FMN2: variants seen among roughly 807,000 people sequenced by gnomAD.
The protein encoded by FMN2 is formin 2.
In FMN2, 51 loss-of-function variants were observed where a neutral mutation model predicts 142.3. That is an observed-to-expected ratio of 0.36 (90% confidence interval 0.29 to 0.45). FMN2 has a LOEUF of 0.45. FMN2 is among the 20% of genes least tolerant of loss of function. The pLI is 1.00. For missense variants in FMN2, 1,936 were observed against 2,122.8 expected, an observed-to-expected ratio of 0.91 and a Z score of 1.73; for synonymous variants, 882 against 869.8, an observed-to-expected ratio of 1.01 and a Z score of -0.25.
intron 6 of FMN2, among the ~76,000 whole-genome samples, chr1:240,233,865 C>A (rs937871218): frequency 3.9e-5 from 6 of 152,066 alleles, no homozygotes; most frequent in African/African-American, 1.4e-4. Context: ...GCAAAATAGC[C>A]CATTTTAGTG....
At chr1:240,373,290 A>G (rs1379461712) in intron 14 of FMN2, among the ~76,000 whole-genome samples, 2 of 152,182 alleles carry the variant, frequency 1.3e-5, no homozygotes, top group Admixed American at 1.3e-4. Context: ...CTGACAGGTC[A>G]GGGTGGTGGT....
chr1:240,340,213 C>A (rs1359717772), intron 13 of FMN2, among the ~76,000 whole-genome samples: 1 of 151,990 alleles, frequency 6.6e-6, no homozygotes, highest in Non-Finnish European at 1.5e-5. Flanking sequence ...AATTACTGTG[C>A]TATCATTGTT....
chr1:240,437,292 CTTTT>C (rs10649766), intron 15 of FMN2, among the ~76,000 whole-genome samples: 2 of 117,390 alleles, frequency 1.7e-5, no homozygotes, highest in Non-Finnish European at 1.7e-5. Flanking sequence ...GCATCTCTTG[CTTTT>C]TTTTTTTTTT....
intron 15 of FMN2, among the ~76,000 whole-genome samples, chr1:240,424,308 G>T (rs1248170688): frequency 6.6e-6 from 1 of 151,940 alleles, no homozygotes; most frequent in Non-Finnish European, 1.5e-5. Context: ...AATTCTCTTG[G>T]CAGTAGCTAC....
chr1:240,102,648 G>C (rs1283229811), intron 1 of FMN2, among the ~76,000 whole-genome samples: 1 of 152,088 alleles, frequency 6.6e-6, no homozygotes, highest in Admixed American at 6.5e-5. Context: ...TATAAAATGT[G>C]TGGATGGTAT....
intron 13 of FMN2, among the ~76,000 whole-genome samples, chr1:240,339,475 G>T (rs1267759697): frequency 6.6e-6 from 1 of 151,746 alleles, no homozygotes; most frequent in Non-Finnish European, 1.5e-5. Flanking sequence ...ATCTAGGAAG[G>T]TATTCTCCAT....
At chr1:240,197,332 G>A (rs1313420585) in intron 4 of FMN2, among the ~76,000 whole-genome samples, 2 of 152,128 alleles carry the variant, frequency 1.3e-5, no homozygotes, top group Non-Finnish European at 2.9e-5. Context: ...TGCATCCTTT[G>A]TAACATCCCT....
At chr1:240,293,003 G>A (rs1669845902) in intron 7 of FMN2, among the ~76,000 whole-genome samples, 1 of 152,140 alleles carries the variant, frequency 6.6e-6, no homozygotes, top group South Asian at 2.1e-4. Context: ...TTCTGTGGAT[G>A]AGTAAAAAAT....
chr1:240,147,833 A>G (rs774585911), intron 2 of FMN2, among the ~76,000 whole-genome samples: 1 of 152,160 alleles, frequency 6.6e-6, no homozygotes, highest in Non-Finnish European at 1.5e-5. Flanking sequence ...TATTTATAAA[A>G]TGCAAATTCT....
At chr1:240,378,102 T>G (rs934013469) in intron 14 of FMN2, among the ~76,000 whole-genome samples, 84 of 151,978 alleles carry the variant, frequency 5.5e-4, no homozygotes, top group Admixed American at 3.5e-3. Context: ...CATTGGTATA[T>G]GTGTATATGT....
chr1:240,210,056 G>A (rs370461801), intron 5 of FMN2, among the ~76,000 whole-genome samples: 35 of 152,230 alleles, frequency 2.3e-4, no homozygotes, highest in African/African-American at 8.2e-4. Flanking sequence ...AAATTTCATG[G>A]CACTTCTGTC....
intron 16 of FMN2, among the ~76,000 whole-genome samples, chr1:240,453,492 A>G (rs912082063): frequency 1.3e-5 from 2 of 152,078 alleles, no homozygotes; most frequent in Non-Finnish European, 1.5e-5. Context: ...TGCCTAGTTC[A>G]TCACAGGTGC....
chr1:240,457,392 T>C (rs1676287305), intron 16 of FMN2: 1 of 152,238 alleles, frequency 6.6e-6, no homozygotes, highest in African/African-American at 2.4e-5. Context: ...TCACTACGAA[T>C]GTATGACTTG....
chr1:240,227,042 T>A (rs1667334534), intron 6 of FMN2, among the ~76,000 whole-genome samples: 1 of 152,180 alleles, frequency 6.6e-6, no homozygotes, highest in Non-Finnish European at 1.5e-5. Context: ...CTGATTGGAA[T>A]GGAAGCAGCA....
intron 2 of FMN2, among the ~76,000 whole-genome samples, chr1:240,127,247 A>G (rs1662550389): frequency 1.3e-5 from 2 of 148,296 alleles, no homozygotes; most frequent in African/African-American, 5.0e-5. Flanking sequence ...TAATTTTTGT[A>G]TTTTTAATAG....
At chr1:240,236,538 G>A (rs988653548) in intron 6 of FMN2, among the ~76,000 whole-genome samples, 1 of 152,192 alleles carries the variant, frequency 6.6e-6, no homozygotes, top group Non-Finnish European at 1.5e-5. Context: ...GACCACACAA[G>A]CAAGGCACCC....
At chr1:240,280,947 A>G (rs1050238465) in intron 7 of FMN2, among the ~76,000 whole-genome samples, 2 of 152,168 alleles carry the variant, frequency 1.3e-5, no homozygotes, top group Non-Finnish European at 2.9e-5. Flanking sequence ...AATGGTAATC[A>G]TGTTTGCATT....
chr1:240,429,674 G>A (rs1017521347), intron 15 of FMN2, among the ~76,000 whole-genome samples: 2 of 152,144 alleles, frequency 1.3e-5, no homozygotes, highest in Non-Finnish European at 2.9e-5. Context: ...CATATGGCGT[G>A]TATAATTTTG....
intron 15 of FMN2, among the ~76,000 whole-genome samples, chr1:240,427,290 C>G (rs1204477688): frequency 6.6e-6 from 1 of 151,744 alleles, no homozygotes; most frequent in Non-Finnish European, 1.5e-5. Context: ...ACTGCAAGCT[C>G]CGCCTCCTGG....
Sources: gnomAD v4.1 joint callset for allele counts (sites outside exome capture counted in the v4.1 genomes callset) on GRCh38, gnomAD v4.1.1 for gene constraint, MANE v1.5 for transcripts, NCBI Gene and HGNC (gene_info 2026-07-23, HGNC 2026-07-21) for gene names.